Variants in LGSN observed in about 807,000 individuals in gnomAD.
LGSN encodes the protein lengsin, lens protein with glutamine synthetase domain.
LGSN carries 21 observed loss-of-function variants against 19.5 expected under a neutral mutation model. The observed-to-expected ratio is 1.07, with a 90% CI of 0.76 to 1.55. The LOEUF (loss-of-function observed/expected upper bound fraction) is 1.55. Among genes scored for constraint, LGSN ranks in the 40% most tolerant of loss-of-function variants. The probability of loss-of-function intolerance (pLI) is 0.00; values close to 1 mark genes in which losing one functional copy is unlikely to be tolerated. For missense variants in LGSN, 673 were observed against 608.5 expected, an observed-to-expected ratio of 1.11 and a Z score of -1.12; for synonymous variants, 257 against 215.6, an observed-to-expected ratio of 1.19 and a Z score of -1.68.
the LGSN span, among the ~76,000 whole-genome samples, chr6:63,351,504 G>A: frequency 6.6e-6 from 1 of 151,938 alleles, no homozygotes; most frequent in Non-Finnish European, 1.5e-5. Context: ...TGCCACCTAG[G>A]CTGGAGTGTA....
chr6:63,321,872 AGCCATGAAT>A (rs1224423327), upstream of LGSN, among the ~76,000 whole-genome samples: 1 of 152,222 alleles, frequency 6.6e-6, no homozygotes, highest in Non-Finnish European at 1.5e-5. Flanking sequence ...ATAGTCATTG[AGCCATGAAT>A]GTAAATGATA....
chr6:63,526,056 G>T, the LGSN span, among the ~76,000 whole-genome samples: 1 of 152,282 alleles, frequency 6.6e-6, no homozygotes, highest in South Asian at 2.1e-4. Context: ...CAGGCGCAGT[G>T]GCTCATGCCT....
At chr6:63,561,758 T>G in the LGSN span, among the ~76,000 whole-genome samples, 2 of 152,240 alleles carry the variant, frequency 1.3e-5, no homozygotes, top group African/African-American at 4.8e-5. Context: ...GGGCATTATA[T>G]TCTCACATTT....
the LGSN span, among the ~76,000 whole-genome samples, chr6:63,516,694 CTT>C: frequency 3.3e-5 from 5 of 152,290 alleles, no homozygotes; most frequent in Non-Finnish European, 7.4e-5. Context: ...AAAAAAATCT[CTT>C]TTACAACTAG....
the LGSN span, among the ~76,000 whole-genome samples, chr6:63,462,126 C>A: frequency 6.6e-6 from 1 of 152,144 alleles, no homozygotes; most frequent in Non-Finnish European, 1.5e-5. Context: ...TTCTCCGAGG[C>A]AAAGCCTGAA....
the LGSN span, among the ~76,000 whole-genome samples, chr6:63,353,883 A>G: frequency 6.6e-6 from 1 of 152,158 alleles, no homozygotes; most frequent in African/African-American, 2.4e-5. Context: ...TGCCAAGAAT[A>G]TACATTGGGA....
At chr6:63,408,018 G>A in the LGSN span, among the ~76,000 whole-genome samples, 8 of 152,134 alleles carry the variant, frequency 5.3e-5, no homozygotes. Context: ...CACTGCTCAA[G>A]GAAATAAAAG....
At chr6:63,383,281 TA>T in the LGSN span, among the ~76,000 whole-genome samples, 3 of 151,790 alleles carry the variant, frequency 2.0e-5, no homozygotes, top group East Asian at 1.9e-4. Context: ...ATTTTTTTTT[TA>T]AAACTTTCTC....
chr6:63,465,577 T>A, the LGSN span, among the ~76,000 whole-genome samples: 1 of 152,180 alleles, frequency 6.6e-6, no homozygotes. Context: ...ATTCAGTGAA[T>A]ACAAAAATCC....
chr6:63,476,463 C>A, the LGSN span, among the ~76,000 whole-genome samples: 1 of 152,324 alleles, frequency 6.6e-6, no homozygotes, highest in South Asian at 2.1e-4. Flanking sequence ...CTTTAGAGTT[C>A]CCCCTACAGT....
the LGSN span, among the ~76,000 whole-genome samples, chr6:63,328,482 C>T: frequency 6.6e-6 from 1 of 152,222 alleles, no homozygotes; most frequent in Non-Finnish European, 1.5e-5. Flanking sequence ...GTGCCATTTA[C>T]ATCATGAGTA....
the LGSN span, among the ~76,000 whole-genome samples, chr6:63,526,837 T>TATATA: frequency 1.3e-3 from 111 of 87,638 alleles, no homozygotes; most frequent in South Asian, 5.6e-3. Context: ...ATATATATAT[T>TATATA]TATTTATTTA....
chr6:63,449,104 C>A, the LGSN span, among the ~76,000 whole-genome samples: 2 of 152,110 alleles, frequency 1.3e-5, no homozygotes, highest in Non-Finnish European at 2.9e-5. Context: ...TATCTGCCAG[C>A]GGCAGGATTG....
chr6:63,485,267 A>G, the LGSN span, among the ~76,000 whole-genome samples: 8 of 152,114 alleles, frequency 5.3e-5, no homozygotes, highest in Non-Finnish European at 1.2e-4. Context: ...GCTCCCACTT[A>G]CAAGTGAGAA....
chr6:63,408,516 T>C, the LGSN span, among the ~76,000 whole-genome samples: 3 of 146,368 alleles, frequency 2.0e-5, no homozygotes, highest in East Asian at 5.9e-4. Flanking sequence ...TTACACCTTA[T>C]ACAAAAATTA....
the LGSN span, among the ~76,000 whole-genome samples, chr6:63,552,002 T>C: frequency 6.6e-6 from 1 of 152,308 alleles, no homozygotes; most frequent in African/African-American, 2.4e-5. Flanking sequence ...ACAATAAACA[T>C]ACGTGTGCAT....
At chr6:63,384,913 G>A in the LGSN span, among the ~76,000 whole-genome samples, 1 of 152,272 alleles carries the variant, frequency 6.6e-6, no homozygotes, top group Middle Eastern at 3.4e-3. Context: ...AGGAACTATG[G>A]ACACTTGAAA....
the LGSN span, among the ~76,000 whole-genome samples, chr6:63,335,345 T>G: frequency 6.6e-6 from 1 of 152,044 alleles, no homozygotes; most frequent in Non-Finnish European, 1.5e-5. Flanking sequence ...GGAAAAACTC[T>G]TCAAGACATT....
chr6:63,448,940 G>A, the LGSN span, among the ~76,000 whole-genome samples: 1 of 152,104 alleles, frequency 6.6e-6, no homozygotes, highest in Admixed American at 6.6e-5. Context: ...AAATTTTTAA[G>A]TACAGTATAA....
Sources: gnomAD v4.1 joint callset for allele counts (sites outside exome capture counted in the v4.1 genomes callset) on GRCh38, gnomAD v4.1.1 for gene constraint, MANE v1.5 for transcripts, NCBI Gene and HGNC (gene_info 2026-07-23, HGNC 2026-07-21) for gene names.